Variants in PDZRN3 observed in about 807,000 individuals in gnomAD.
The protein encoded by PDZRN3 is PDZ domain containing ring finger 3.
PDZRN3 carries 38 observed loss-of-function variants against 85.7 expected under a neutral mutation model. That is an observed-to-expected ratio of 0.44 (90% CI 0.34 to 0.58). The LOEUF is 0.58. Among genes scored for constraint, PDZRN3 ranks in the 20% least tolerant of loss-of-function variants. The pLI is 0.01. For synonymous variants in PDZRN3, 759 were observed against 638.0 expected (o/e 1.19, Z -2.86); for missense variants, 1,629 against 1,506.4 (o/e 1.08, Z -1.35).
intron 3 of PDZRN3, among the ~76,000 whole-genome samples, chr3:73,488,653 A>G (rs962415391): frequency 2.6e-5 from 4 of 152,308 alleles, no homozygotes; most frequent in Middle Eastern, 6.8e-3. Context: ...AAGAAATTAT[A>G]TTCATAGGTA....
intron 3 of PDZRN3, among the ~76,000 whole-genome samples, chr3:73,416,882 T>TGG (rs1702098034): frequency 2.3e-5 from 3 of 131,290 alleles, no homozygotes; most frequent in Admixed American, 7.6e-5. Flanking sequence ...TTTGGTTTTT[T>TGG]TTTTTTTTTT....
At chr3:73,460,163 G>C (rs1467220356) in intron 3 of PDZRN3, among the ~76,000 whole-genome samples, 1 of 152,116 alleles carries the variant, frequency 6.6e-6, no homozygotes, top group African/African-American at 2.4e-5. Context: ...TGTGGTGGTT[G>C]TTCTAAGCAA....
intron 3 of PDZRN3, among the ~76,000 whole-genome samples, chr3:73,480,443 C>T (rs540506024): frequency 2.6e-5 from 4 of 152,198 alleles, no homozygotes; most frequent in Non-Finnish European, 4.4e-5. Context: ...ATAAGTCTCT[C>T]GGCTTGGGAA....
At chr3:73,415,190 T>G (rs1702051193) in intron 3 of PDZRN3, among the ~76,000 whole-genome samples, 2 of 152,112 alleles carry the variant, frequency 1.3e-5, no homozygotes, top group South Asian at 2.1e-4. Context: ...AAAGAAAACC[T>G]GGCAGGGAGA....
At chr3:73,439,813 A>C (rs953168106) in intron 3 of PDZRN3, among the ~76,000 whole-genome samples, 1 of 150,676 alleles carries the variant, frequency 6.6e-6, no homozygotes, top group Non-Finnish European at 1.5e-5. Flanking sequence ...ATCTCGGCTC[A>C]CTGCAACCTC....
chr3:73,612,125 A>G (rs1702694915), intron 1 of PDZRN3, among the ~76,000 whole-genome samples: 1 of 152,234 alleles, frequency 6.6e-6, no homozygotes, highest in African/African-American at 2.4e-5. Context: ...ATAGTAAAAC[A>G]AAGAGAGAAA....
intron 3 of PDZRN3, chr3:73,569,263 A>C: frequency 1.6e-6 from 2 of 1,276,494 alleles, no homozygotes; most frequent in Non-Finnish European, 2.0e-6. Context: ...AGGAGCCCGA[A>C]GAATGTCGTA....
chr3:73,614,075 A>C (rs548125324), intron 1 of PDZRN3, among the ~76,000 whole-genome samples: 3 of 152,326 alleles, frequency 2.0e-5, no homozygotes, highest in South Asian at 2.1e-4. Context: ...TGTTTAAAAG[A>C]AGCTTTGCTA....
chr3:73,450,321 A>G (rs1327158089), intron 3 of PDZRN3, among the ~76,000 whole-genome samples: 1 of 152,214 alleles, frequency 6.6e-6, no homozygotes, highest in Non-Finnish European at 1.5e-5. Flanking sequence ...CCCTTGTTAA[A>G]CATACTACTT....
intron 3 of PDZRN3, among the ~76,000 whole-genome samples, chr3:73,542,039 G>C (rs1704936513): frequency 6.6e-6 from 1 of 151,928 alleles, no homozygotes; most frequent in Non-Finnish European, 1.5e-5. Context: ...TAAAATTATG[G>C]GGAAAAAAAG....
chr3:73,402,941 C>CTGTTTTTTTTTT (rs1701780762), intron 4 of PDZRN3, among the ~76,000 whole-genome samples: 1 of 115,674 alleles, frequency 8.6e-6, no homozygotes, highest in Non-Finnish European at 1.7e-5. Flanking sequence ...ACATGAAAAG[C>CTGTTTTTTTTTT]TTTTTTTTTT....
chr3:73,460,719 A>G (rs7649333), intron 3 of PDZRN3, among the ~76,000 whole-genome samples: 8,605 of 152,258 alleles, frequency 0.057, 793 homozygotes, highest in African/African-American at 0.19. Flanking sequence ...AATTAATAAT[A>G]CTTATTTTCA....
At chr3:73,426,143 G>C (rs1197369113) in intron 3 of PDZRN3, among the ~76,000 whole-genome samples, 2 of 152,136 alleles carry the variant, frequency 1.3e-5, no homozygotes, top group South Asian at 4.2e-4. Flanking sequence ...GTGATTCAGA[G>C]AAAGAATATG....
chr3:73,419,482 C>T (rs915730334), intron 3 of PDZRN3, among the ~76,000 whole-genome samples: 1 of 152,146 alleles, frequency 6.6e-6, no homozygotes, highest in East Asian at 1.9e-4. Flanking sequence ...AAATACGGAT[C>T]CCCTGCACAC....
intron 3 of PDZRN3, among the ~76,000 whole-genome samples, chr3:73,581,828 G>A (rs1478528210): frequency 1.3e-5 from 2 of 151,866 alleles, no homozygotes; most frequent in African/African-American, 4.8e-5. Context: ...GCTGAACATG[G>A]TGGCTCACAT....
chr3:73,422,987 G>A (rs993919987), intron 3 of PDZRN3, among the ~76,000 whole-genome samples: 1 of 152,154 alleles, frequency 6.6e-6, no homozygotes, highest in African/African-American at 2.4e-5. Flanking sequence ...ACTTATCAAT[G>A]GAGGCAGTTA....
At chr3:73,575,765 T>G (rs1462583165) in intron 3 of PDZRN3, among the ~76,000 whole-genome samples, 1 of 152,220 alleles carries the variant, frequency 6.6e-6, no homozygotes, top group Non-Finnish European at 1.5e-5. Context: ...TCTGTATGCC[T>G]CTGTTTTCTC....
chr3:73,391,634 T>C (rs1576026837), intron 5 of PDZRN3, among the ~76,000 whole-genome samples: 1 of 152,194 alleles, frequency 6.6e-6, no homozygotes, highest in African/African-American at 2.4e-5. Flanking sequence ...ACAACAGCTG[T>C]GATATTTACA....
Position 73,388,041 on chromosome 3 carries a change from T to C in PDZRN3, c.1445A>G (p.Glu482Gly). The C allele has an allele frequency of 1.5e-6, 2 of 1,359,180 alleles. No individual in the cohort carries two copies. 84.2% of individuals were successfully genotyped at this position (1,359,180 alleles called of 1,614,324 possible). The change falls in exon 8 of 10, where the codon GAA (glutamate) becomes GGA (glycine). Residue 482 changes from glutamate (E) to glycine (G), a missense_variant. Physicochemically the swap from Glu to Gly is moderately conservative, Grantham distance 98 (BLOSUM62 -2). Transcript: ENST00000263666. ...QINGIEVQNR[E>G]EAVALLTSEE... The stretch of plus-strand genomic sequence containing the variant: ...ACTGGTTAGAAGAGCCACAGCCTCT[T>C]CACGGTTCTGCACCTCTATCCCATT...
Sources: gnomAD v4.1 joint callset for allele counts (sites outside exome capture counted in the v4.1 genomes callset) on GRCh38, gnomAD v4.1.1 for gene constraint, MANE v1.5 for transcripts, NCBI Gene and HGNC (gene_info 2026-07-23, HGNC 2026-07-21) for gene names.